Variants in FARS2 observed in about 807,000 individuals in gnomAD.
The protein encoded by FARS2 is phenylalanyl-tRNA synthetase 2, mitochondrial, also known as phenylalanine--tRNA ligase, mitochondrial.
In FARS2, 40 loss-of-function variants were observed where a neutral mutation model predicts 46.4. The observed-to-expected ratio is 0.86, with a 90% CI of 0.67 to 1.12. FARS2 has a LOEUF of 1.12. Among genes scored for constraint, FARS2 ranks in the 50% most tolerant of loss-of-function variants. The probability of loss-of-function intolerance (pLI) is 0.00; values close to 1 mark genes in which losing one functional copy is unlikely to be tolerated. For missense variants in FARS2, 513 were observed against 567.9 expected (o/e 0.90, Z 0.98); for synonymous variants, 234 against 214.9 (o/e 1.09, Z -0.78).
chr6:5,651,689 T>A (rs1197975063), intron 6 of FARS2, among the ~76,000 whole-genome samples: 1 of 152,158 alleles, frequency 6.6e-6, no homozygotes, highest in African/African-American at 2.4e-5. Flanking sequence ...ATTTATTGAG[T>A]GTTCATTGTG....
chr6:5,707,104 A>G (rs1758808810), intron 6 of FARS2, among the ~76,000 whole-genome samples: 1 of 152,208 alleles, frequency 6.6e-6, no homozygotes, highest in African/African-American at 2.4e-5. Context: ...TTCTTTTATT[A>G]GAGACCTGTT....
At chr6:5,675,214 ACACACACACAC>A (rs1778700784) in intron 6 of FARS2, among the ~76,000 whole-genome samples, 1 of 151,054 alleles carries the variant, frequency 6.6e-6, no homozygotes, top group Non-Finnish European at 1.5e-5. Flanking sequence ...ACACACACAC[ACACACACACAC>A]ACACACACAC....
chr6:5,470,151 A>G (rs950571663), intron 4 of FARS2, among the ~76,000 whole-genome samples: 2 of 152,232 alleles, frequency 1.3e-5, no homozygotes, highest in African/African-American at 4.8e-5. Context: ...GAATTTCTTT[A>G]ATACAGTTGG....
chr6:5,419,145 G>T (rs954294822), intron 3 of FARS2, among the ~76,000 whole-genome samples: 1 of 152,040 alleles, frequency 6.6e-6, no homozygotes, highest in Admixed American at 6.5e-5. Context: ...TCTTTGAAAG[G>T]GTGGCTGGTG....
intron 1 of FARS2, among the ~76,000 whole-genome samples, chr6:5,337,230 A>G (rs1771226138): frequency 1.3e-5 from 2 of 151,804 alleles, no homozygotes; most frequent in Admixed American, 1.3e-4. Flanking sequence ...TTAAAATATC[A>G]GAGTTTGTTT....
chr6:5,596,913 T>C (rs1175322014), intron 5 of FARS2, among the ~76,000 whole-genome samples: 4 of 152,216 alleles, frequency 2.6e-5, no homozygotes, highest in Admixed American at 2.6e-4. Flanking sequence ...ATCCAGCATG[T>C]CTCAGAGGTA....
intron 6 of FARS2, among the ~76,000 whole-genome samples, chr6:5,762,844 A>ACAG (rs1382942019): frequency 1.3e-5 from 2 of 152,168 alleles, no homozygotes; most frequent in Non-Finnish European, 2.9e-5. Context: ...AATCACAGGC[A>ACAG]CAGCAGCAGC....
intron 4 of FARS2, among the ~76,000 whole-genome samples, chr6:5,502,394 G>A (rs6907192): frequency 0.035 from 5,393 of 152,088 alleles, 150 homozygotes; most frequent in African/African-American, 0.073. Flanking sequence ...TTACTTTTTG[G>A]TAATTTTTAA....
chr6:5,709,699 C>CGCGT (rs1561814147), intron 6 of FARS2, among the ~76,000 whole-genome samples: 5 of 37,374 alleles, frequency 1.3e-4, no homozygotes, highest in Admixed American at 4.3e-4. Context: ...TGTGTGTGTG[C>CGCGT]GCATGCACGT....
chr6:5,760,641 C>T (rs1164367913), intron 6 of FARS2, among the ~76,000 whole-genome samples: 3 of 152,342 alleles, frequency 2.0e-5, no homozygotes, highest in East Asian at 3.9e-4. Flanking sequence ...CTCCCTGCCG[C>T]ATCCCAGCCC....
chr6:5,384,720 A>T (rs573107370), intron 2 of FARS2, among the ~76,000 whole-genome samples: 1 of 152,098 alleles, frequency 6.6e-6, no homozygotes, highest in East Asian at 1.9e-4. Flanking sequence ...AAATAGGAGG[A>T]ACCTGTCTGT....
chr6:5,397,472 T>A (rs1760978478), intron 2 of FARS2, among the ~76,000 whole-genome samples: 1 of 152,210 alleles, frequency 6.6e-6, no homozygotes, highest in African/African-American at 2.4e-5. Flanking sequence ...TCAGTGTAAG[T>A]CCATCTAGTG....
intron 4 of FARS2, among the ~76,000 whole-genome samples, chr6:5,531,339 G>A (rs573345837): frequency 5.3e-5 from 8 of 152,292 alleles, no homozygotes; most frequent in South Asian, 2.1e-4. Flanking sequence ...TTCTCACTGC[G>A]CAGGACCGTT....
At chr6:5,375,430 A>G (rs1283818380) in intron 2 of FARS2, among the ~76,000 whole-genome samples, 1 of 152,026 alleles carries the variant, frequency 6.6e-6, no homozygotes, top group African/African-American at 2.4e-5. Context: ...GGAGAGATTT[A>G]CCATATTTGT....
intron 6 of FARS2, among the ~76,000 whole-genome samples, chr6:5,715,964 A>C (rs766833597): frequency 4.7e-4 from 72 of 152,150 alleles, no homozygotes; most frequent in Non-Finnish European, 9.1e-4. Flanking sequence ...CCACATCCTC[A>C]CCAACACTTG....
chr6:5,563,183 A>C (rs938688539), intron 5 of FARS2, among the ~76,000 whole-genome samples: 1 of 152,134 alleles, frequency 6.6e-6, no homozygotes, highest in Non-Finnish European at 1.5e-5. Context: ...TTTGATTTGC[A>C]TAGGGCTCAG....
intron 1 of FARS2, among the ~76,000 whole-genome samples, chr6:5,269,319 C>T (rs930808658): frequency 4.8e-5 from 7 of 145,960 alleles, no homozygotes; most frequent in Non-Finnish European, 7.4e-5. Flanking sequence ...TGGGGAACAT[C>T]GCACACCGGG....
intron 6 of FARS2, among the ~76,000 whole-genome samples, chr6:5,761,826 A>AG (rs1290987079): frequency 2.0e-5 from 3 of 152,044 alleles, no homozygotes; most frequent in African/African-American, 7.2e-5. Flanking sequence ...AAAAAAAAAA[A>AG]AAGAGGCATT....
intron 4 of FARS2, among the ~76,000 whole-genome samples, chr6:5,444,117 GTGTGTGTGTA>G (rs922421715): frequency 2.6e-5 from 4 of 151,230 alleles, no homozygotes; most frequent in Non-Finnish European, 5.9e-5. Flanking sequence ...GTGTGTGTGT[GTGTGTGTGTA>G]TGTGTGCATG....
Sources: gnomAD v4.1 joint callset for allele counts (sites outside exome capture counted in the v4.1 genomes callset) on GRCh38, gnomAD v4.1.1 for gene constraint, MANE v1.5 for transcripts, NCBI Gene and HGNC (gene_info 2026-07-23, HGNC 2026-07-21) for gene names.